Variants in ELFN1 observed in about 807,000 individuals in gnomAD.
ELFN1 encodes the protein protein ELFN1.
Under a neutral mutation model 7.6 loss-of-function variants are expected in ELFN1, and 6 were observed. That is an observed-to-expected ratio of 0.79 (90% CI 0.43 to 1.56). ELFN1 has a LOEUF of 1.56. ELFN1 is among the 40% of genes most tolerant of loss of function. The probability of loss-of-function intolerance (pLI) is 0.01; values close to 1 mark genes in which losing one functional copy is unlikely to be tolerated. For missense variants in ELFN1, 1,169 were observed against 1,232.2 expected, an observed-to-expected ratio of 0.95 and a Z score of 0.77; for synonymous variants, 657 against 588.1, an observed-to-expected ratio of 1.12 and a Z score of -1.70.
chr7:1,679,651 C>G (rs117204995), intron 1 of ELFN1, among the ~76,000 whole-genome samples: 1,786 of 152,338 alleles, frequency 0.012, 14 homozygotes, highest in Middle Eastern at 0.02. Context: ...ACTGGAGCTG[C>G]TAACTCCTGT....
At chr7:1,675,856 G>A (rs931006881) in intron 1 of ELFN1, among the ~76,000 whole-genome samples, 4 of 152,312 alleles carry the variant, frequency 2.6e-5, no homozygotes, top group African/African-American at 9.6e-5. Context: ...CAGCTGCCCC[G>A]CCAGGGCTGC....
chr7:1,666,141 C>A (rs1310692186), upstream of ELFN1, among the ~76,000 whole-genome samples: 1 of 152,034 alleles, frequency 6.6e-6, no homozygotes, highest in Admixed American at 6.5e-5. This position sits in a 1 kb window ranked among gnomAD's most constrained non-coding sequence, Gnocchi z 7.9. Flanking sequence ...GCGACAGTGC[C>A]TCCAGCCCGG....
rs1381463622 is a variant in ELFN1 at position 1,670,601 on chromosome 7, G to C, written c.-549+247G>C. Among the ~76,000 whole-genome samples the C allele has an allele frequency of 3.3e-5, 5 of 152,136 alleles. No homozygotes were observed. The highest frequency in any genetic ancestry group is 4.8e-5 in the African/African-American group (2 of 41,448). The stretch of plus-strand genomic sequence containing the variant: ...AGCCCGACAAAGCCCGGGGGCCCGG[G>C]TCGGGGTCGCTGCCGCAGCCCGCAC... On this transcript the variant is annotated intron_variant, in intron 1 of 3. Coordinates refer to ENST00000424383, the MANE Select transcript of ELFN1 (RefSeq NM_001128636.4). The surrounding 1 kb of genome is among the most constrained non-coding windows in gnomAD (Gnocchi z 6.4).
At chr7:1,736,459 T>C (rs1027019284) in intron 3 of ELFN1, among the ~76,000 whole-genome samples, 5 of 152,222 alleles carry the variant, frequency 3.3e-5, no homozygotes, top group African/African-American at 1.2e-4. Flanking sequence ...ACGGCTGTTG[T>C]GATTATGCAA....
At chr7:1,682,930 C>G (rs1293335913) in intron 1 of ELFN1, among the ~76,000 whole-genome samples, 1 of 152,044 alleles carries the variant, frequency 6.6e-6, no homozygotes, top group Non-Finnish European at 1.5e-5. Context: ...TGGATTTTGT[C>G]AAATTATTTT....
chr7:1,686,427 C>A (rs1353293730), intron 1 of ELFN1, among the ~76,000 whole-genome samples: 5 of 151,664 alleles, frequency 3.3e-5, no homozygotes, highest in African/African-American at 1.2e-4. Context: ...ATACTCCCAC[C>A]TCAGCCTCCT....
chr7:1,744,617 C>T lies in ELFN1; in HGVS notation c.21C>T (p.Gly7=), dbSNP rs756087137. The T allele has an allele frequency of 2.5e-5, 38 of 1,540,828 alleles. No individual in the cohort carries two copies. In the East Asian group the frequency reaches 3.7e-4, roughly 15 times the overall value. MAGRGW[G]ALWVCVAAAT... ...TCCCGATGGCCGGGCGTGGGTGGGG[C>T]GCGCTGTGGGTGTGCGTGGCGGCCG... Residue 7 remains glycine (G), a synonymous_variant, in exon 4 of 4, where the codon GGC becomes GGT. Coordinates refer to ENST00000424383, the MANE Select transcript of ELFN1 (RefSeq NM_001128636.4).
chr7:1,707,712 A>T (rs1181867621), intron 2 of ELFN1, among the ~76,000 whole-genome samples: 1 of 152,238 alleles, frequency 6.6e-6, no homozygotes, highest in Non-Finnish European at 1.5e-5. Flanking sequence ...TTAGTGGTTA[A>T]GTAATAATCT....
chr7:1,682,231 A>G (rs1778986661), intron 1 of ELFN1, among the ~76,000 whole-genome samples: 1 of 152,180 alleles, frequency 6.6e-6, no homozygotes, highest in South Asian at 2.1e-4. Context: ...TAGGACGTTT[A>G]TAGCCTTAGC....
At chr7:1,671,537 G>A (rs1057002988) in intron 1 of ELFN1, among the ~76,000 whole-genome samples, 2 of 152,238 alleles carry the variant, frequency 1.3e-5, no homozygotes, top group Non-Finnish European at 2.9e-5. Flanking sequence ...GCCAGGAGCA[G>A]ATGTAAATGG....
intron 3 of ELFN1, among the ~76,000 whole-genome samples, chr7:1,724,538 G>A (rs559942125): frequency 1.7e-4 from 26 of 152,266 alleles, no homozygotes; most frequent in African/African-American, 5.8e-4. Context: ...TGGCCCTCCT[G>A]CAAACTCTCA....
intron 3 of ELFN1, among the ~76,000 whole-genome samples, chr7:1,743,538 C>G (rs1372261037): frequency 6.6e-6 from 1 of 152,170 alleles, no homozygotes; most frequent in Non-Finnish European, 1.5e-5. Context: ...ATCCAGCTGG[C>G]TCATTTGGGG....
At chr7:1,689,567 T>C (rs938917492) in intron 2 of ELFN1, among the ~76,000 whole-genome samples, 1 of 152,212 alleles carries the variant, frequency 6.6e-6, no homozygotes, top group Non-Finnish European at 1.5e-5. Flanking sequence ...GGGCTGGGCC[T>C]GGTGCACTAC....
At chr7:1,741,887 C>T (rs1780627087) in intron 3 of ELFN1, among the ~76,000 whole-genome samples, 1 of 152,168 alleles carries the variant, frequency 6.6e-6, no homozygotes, top group African/African-American at 2.4e-5. Flanking sequence ...CCTGCTCTGC[C>T]CAGGGCCCCA....
At position 1,710,143 on chromosome 7, in the gene ELFN1, T is replaced by A. The variant is rs576273035; in HGVS notation, c.-294+891T>A. On this transcript the variant is annotated intron_variant, in intron 3 of 3. Coordinates refer to ENST00000424383, the MANE Select transcript of ELFN1 (RefSeq NM_001128636.4). ...GTGGGTTTCCTCAATAAATAGCTTG[T>A]CTTCCATATTGAAGAGTTCTATACA... 4.6e-5 allele frequency among the ~76,000 whole-genome samples: 7 copies of A among 152,370 alleles called. No homozygotes were observed. The East Asian group carries it at 1.3e-3, about 29-fold the overall frequency.
chr7:1,693,470 G>T (rs1185600612), intron 2 of ELFN1: 1 of 471,236 alleles, frequency 2.1e-6, no homozygotes, highest in Non-Finnish European at 4.4e-6. Context: ...CACCCAGACA[G>T]GTGCGTGCCG....
intron 3 of ELFN1, among the ~76,000 whole-genome samples, chr7:1,731,210 C>T (rs140970981): frequency 2.0e-5 from 3 of 152,206 alleles, no homozygotes; most frequent in African/African-American, 7.2e-5. Context: ...GAATATTACC[C>T]GAAAGTCTTT....
chr7:1,681,333 A>AG (rs35149508), intron 1 of ELFN1, among the ~76,000 whole-genome samples: 8,683 of 152,256 alleles, frequency 0.057, 286 homozygotes, highest in Middle Eastern at 0.092. Flanking sequence ...GCTTCCTGGA[A>AG]GGAGAGTTCA....
intron 2 of ELFN1, among the ~76,000 whole-genome samples, chr7:1,702,988 A>G (rs768029514): frequency 3.3e-5 from 5 of 152,240 alleles, no homozygotes; most frequent in East Asian, 1.9e-4. Flanking sequence ...ATGACTTTCC[A>G]AAAGAATTGT....
Sources: gnomAD v4.1 joint callset for allele counts (sites outside exome capture counted in the v4.1 genomes callset) on GRCh38, gnomAD v4.1.1 for gene constraint, Gnocchi (gnomAD v3.1) non-coding constraint, MANE v1.5 for transcripts, NCBI Gene and HGNC (gene_info 2026-07-23, HGNC 2026-07-21) for gene names.